SKAP2: variants seen among roughly 807,000 people sequenced by gnomAD.
SKAP2 encodes the protein src kinase-associated phosphoprotein 2.
SKAP2 carries 28 observed loss-of-function variants against 54.9 expected under a neutral mutation model. The observed-to-expected ratio is 0.51, with a 90% CI of 0.38 to 0.70. SKAP2 has a LOEUF of 0.70. SKAP2 is among the 30% of genes least tolerant of loss of function. The pLI is 0.00. For synonymous variants in SKAP2, 137 were observed against 134.3 expected, an observed-to-expected ratio of 1.02 and a Z score of -0.14; for missense variants, 356 against 424.1, an observed-to-expected ratio of 0.84 and a Z score of 1.41.
At position 26,725,477 on chromosome 7, in the gene SKAP2, T is replaced by C. The variant is rs770873845; in HGVS notation, c.747A>G (p.Pro249=). The change falls in exon 9 of 13, where the codon CCA becomes CCG. Residue 249 remains proline, a synonymous_variant. Transcript: ENST00000345317. The part of the protein sequence containing the change: ...DVDHPLPISN[P]LTSSQPIDDE... ...CATCTATTGGTTGACTGCTTGTTAGTGGATTGCTTATTGGTAGAGGATGAT... is the reference window on the plus strand; with the variant it reads ...CATCTATTGGTTGACTGCTTGTTAGCGGATTGCTTATTGGTAGAGGATGAT... 1 of 1,612,372 alleles carries C rather than the reference T, an allele frequency of 6.2e-7. No homozygotes were observed. Among genetic ancestry groups the C allele is most frequent in the South Asian group, 1.1e-5 (1 of 90,954 alleles).
intron 9 of SKAP2, among the ~76,000 whole-genome samples, chr7:26,709,601 G>C (rs1248614943): frequency 2.0e-5 from 3 of 152,146 alleles, no homozygotes; most frequent in Non-Finnish European, 4.4e-5. Flanking sequence ...TGCTTGTGCA[G>C]ATTTCCATAT....
chr7:26,864,253 T>G, intron 1 of SKAP2, 110 bp downstream of exon 1: 2 of 1,350,428 alleles, frequency 1.5e-6, no homozygotes, highest in Non-Finnish European at 2.1e-6. Flanking sequence ...CTAGAAGACG[T>G]GGGAAGCGCG....
intron 11 of SKAP2, among the ~76,000 whole-genome samples, chr7:26,678,671 C>T (rs1229748167): frequency 6.6e-6 from 1 of 152,108 alleles, no homozygotes; most frequent in African/African-American, 2.4e-5. Context: ...GAACTCCTGA[C>T]TTCAAGTGAT....
chr7:26,723,993 G>A (rs1787640123), intron 9 of SKAP2, among the ~76,000 whole-genome samples: 1 of 151,914 alleles, frequency 6.6e-6, no homozygotes, highest in Non-Finnish European at 1.5e-5. Flanking sequence ...TGATGCTACA[G>A]CAGATGCCAT....
Position 26,724,875 on chromosome 7 carries a change from A to T in SKAP2, c.796+553T>A, listed in dbSNP as rs151094741. 4.8e-4 allele frequency among the ~76,000 whole-genome samples: 73 copies of T among 152,238 alleles called. 1 individual carries two copies. The East Asian group carries it at 0.011, about 24-fold the overall frequency. ...AGGTCTGAGCATTTGGAATAAGAAA[A>T]CTTTTTTATTCCATATTGATGCTAA... On this transcript the variant is annotated intron_variant, in intron 9 of 12. Coordinates refer to ENST00000345317, the MANE Select transcript of SKAP2 (RefSeq NM_003930.5).
intron 9 of SKAP2, among the ~76,000 whole-genome samples, chr7:26,722,527 G>A (rs546545210): frequency 6.6e-6 from 1 of 151,280 alleles, no homozygotes; most frequent in East Asian, 1.9e-4. Context: ...GAATAGCTTG[G>A]ATTACAGGCA....
rs77472965 is a variant in SKAP2, at chr7:26,744,304, T to C, written c.308-4340A>G. The stretch of plus-strand genomic sequence containing the variant: ...GTTACTTCAATTTCAGAGAAAAATA[T>C]GAAGTCTGTGGTAGGAAGTATCACT... On this transcript the variant is annotated intron_variant, in intron 4 of 12. Coordinates refer to ENST00000345317, the MANE Select transcript of SKAP2 (RefSeq NM_003930.5). 8.2e-3 allele frequency among the ~76,000 whole-genome samples: 1,255 copies of C among 152,320 alleles called. 7 individuals carry two copies. The highest frequency in any genetic ancestry group is 0.034 in the South Asian group (164 of 4,830).
At chr7:26,801,914 A>G (rs1380938076) in intron 4 of SKAP2, among the ~76,000 whole-genome samples, 5 of 152,186 alleles carry the variant, frequency 3.3e-5, no homozygotes, top group Non-Finnish European at 7.3e-5. Context: ...ATATTGTTAC[A>G]ATGTCCATAT....
At chr7:26,792,195 A>G (rs1407512676) in intron 4 of SKAP2, among the ~76,000 whole-genome samples, 1 of 152,232 alleles carries the variant, frequency 6.6e-6, no homozygotes, top group Non-Finnish European at 1.5e-5. Context: ...GTGTGGAGGC[A>G]GGGTACTGAT....
intron 4 of SKAP2, among the ~76,000 whole-genome samples, chr7:26,806,295 G>A (rs1784022566): frequency 6.6e-6 from 1 of 152,138 alleles, no homozygotes; most frequent in Non-Finnish European, 1.5e-5. Flanking sequence ...ACTCACTTTT[G>A]TAATCCCAGC....
chr7:26,680,038 T>A (rs143053757), intron 11 of SKAP2, among the ~76,000 whole-genome samples: 2 of 152,246 alleles, frequency 1.3e-5, no homozygotes, highest in Non-Finnish European at 2.9e-5. Flanking sequence ...CTAGACTAGA[T>A]AAAATATTCC....
chr7:26,745,390 C>A (rs1273732045), intron 4 of SKAP2, among the ~76,000 whole-genome samples: 1 of 152,162 alleles, frequency 6.6e-6, no homozygotes, highest in Non-Finnish European at 1.5e-5. Flanking sequence ...TTTTTCCTGA[C>A]AATTCAAATA....
At chr7:26,754,338 T>G (rs371647888) in intron 4 of SKAP2, among the ~76,000 whole-genome samples, 1 of 149,440 alleles carries the variant, frequency 6.7e-6, no homozygotes, top group Middle Eastern at 3.2e-3. Flanking sequence ...AACTCCAGTC[T>G]GGGCAACACA....
intron 4 of SKAP2, among the ~76,000 whole-genome samples, chr7:26,785,997 A>G (rs1783536095): frequency 6.6e-6 from 1 of 152,184 alleles, no homozygotes; most frequent in African/African-American, 2.4e-5. Flanking sequence ...GTGAGGGGAA[A>G]TGAGATGCAG....
intron 4 of SKAP2, among the ~76,000 whole-genome samples, chr7:26,790,892 T>C (rs1447175865): frequency 1.3e-5 from 2 of 152,222 alleles, no homozygotes; most frequent in Non-Finnish European, 2.9e-5. Context: ...ACATTTTCTA[T>C]TATGCCTAAG....
intron 3 of SKAP2, among the ~76,000 whole-genome samples, chr7:26,851,255 CAAAAAAAAA>C (rs35007326): frequency 4.0e-5 from 4 of 99,356 alleles, no homozygotes; most frequent in South Asian, 3.0e-4. Flanking sequence ...CCGTTTTTAC[CAAAAAAAAA>C]AAAAAAAAAA....
chr7:26,794,903 C>T (rs895485930), intron 4 of SKAP2, among the ~76,000 whole-genome samples: 4 of 152,218 alleles, frequency 2.6e-5, no homozygotes, highest in African/African-American at 9.6e-5. Flanking sequence ...ATTCTCTCCC[C>T]TGTACGTATA....
chr7:26,799,077 A>AGGCAAGGCAGGGCAG (rs1421855188), intron 4 of SKAP2, among the ~76,000 whole-genome samples: 1 of 150,570 alleles, frequency 6.6e-6, no homozygotes, highest in Non-Finnish European at 1.5e-5. Context: ...GGACAGGGCA[A>AGGCAAGGCAGGGCAG]GGCAAGGCAG....
intron 4 of SKAP2, among the ~76,000 whole-genome samples, chr7:26,825,397 C>T (rs1784468667): frequency 6.6e-6 from 1 of 151,784 alleles, no homozygotes; most frequent in Admixed American, 6.6e-5. Context: ...GCATGTCTAT[C>T]CAAGACAAAT....
Sources: gnomAD v4.1 joint callset for allele counts (sites outside exome capture counted in the v4.1 genomes callset) on GRCh38, gnomAD v4.1.1 for gene constraint, MANE v1.5 for transcripts, NCBI Gene and HGNC (gene_info 2026-07-23, HGNC 2026-07-21) for gene names.